Variants in PRKAR2B observed in about 807,000 individuals in gnomAD.
PRKAR2B encodes the protein protein kinase cAMP-dependent type II regulatory subunit beta.
PRKAR2B carries 14 observed loss-of-function variants against 49.9 expected under a neutral mutation model. The ratio of observed to expected loss-of-function variants is 0.28; its 90% CI spans 0.19 to 0.44. The LOEUF is 0.44. Among genes scored for constraint, PRKAR2B ranks in the 20% least tolerant of loss-of-function variants. PRKAR2B has a pLI of 1.00. For missense variants in PRKAR2B, 393 were observed against 537.9 expected (o/e 0.73, Z 2.67); for synonymous variants, 196 against 197.7 (o/e 0.99, Z 0.07).
chr7:107,140,992 C>T lies in PRKAR2B; in HGVS notation c.587+39C>T, dbSNP rs201558773. ...AACCTTACTATTGAAATTGAAAGAA[C>T]CTTTTGTGTAAAATCTCAACCATTA... On this transcript the variant is annotated intron_variant, in intron 5 of 10. Transcript: ENST00000265717. 9 of 1,452,980 alleles carry T rather than the reference C, an allele frequency of 6.2e-6. No homozygotes were observed. The South Asian group carries it at 8.2e-5, about 13-fold the overall frequency. 90.0% of individuals were successfully genotyped at this position (1,452,980 alleles called of 1,614,324 possible).
chr7:107,157,103 A>G (rs1357555447), intron 9 of PRKAR2B, 54 bp downstream of exon 9: 49 of 1,607,284 alleles, frequency 3.0e-5, no homozygotes, highest in Non-Finnish European at 4.1e-5. Context: ...AACACAACAG[A>G]TCTACTTTTT....
Position 107,159,858 on chromosome 7 carries a change from A to G in PRKAR2B, c.*276A>G. On this transcript the variant is annotated 3_prime_UTR_variant, in exon 11 of 11. Coordinates refer to ENST00000265717, the MANE Select transcript of PRKAR2B (RefSeq NM_002736.3). Reference sequence around the variant, plus strand: ...AAAGGTTTATTAAAATGATTGTAATATATAGAAAGTATCTGTGTTTAAGAA... The same window carrying G: ...AAAGGTTTATTAAAATGATTGTAATGTATAGAAAGTATCTGTGTTTAAGAA... 1 of 315,126 alleles carries G rather than the reference A, an allele frequency of 3.2e-6. No individual in the cohort carries two copies. The allele number at this position is 315,126 out of a possible 1,614,324, so 19.5% of individuals were successfully genotyped here.
At chr7:107,091,758 C>T (rs974333778) in intron 2 of PRKAR2B, 5 of 152,210 alleles carry the variant, frequency 3.3e-5, no homozygotes, top group African/African-American at 4.8e-5. Context: ...ATGTGACAGT[C>T]TCCAGCAGTG....
chr7:107,109,226 G>T (rs1412217543), intron 2 of PRKAR2B, among the ~76,000 whole-genome samples: 2 of 151,966 alleles, frequency 1.3e-5, no homozygotes, highest in Non-Finnish European at 2.9e-5. Flanking sequence ...GTTTGGGCTG[G>T]TCTCTTTACT....
At chr7:107,071,649 TGAAATTCTTTC>T (rs1275865764) in intron 2 of PRKAR2B, among the ~76,000 whole-genome samples, 1 of 152,166 alleles carries the variant, frequency 6.6e-6, no homozygotes, top group African/African-American at 2.4e-5. Context: ...CTTCATGAGG[TGAAATTCTTTC>T]AATAGAAACA....
chr7:107,087,872 C>T (rs1003666688), intron 2 of PRKAR2B, among the ~76,000 whole-genome samples: 2 of 151,340 alleles, frequency 1.3e-5, no homozygotes, highest in African/African-American at 4.8e-5. Context: ...CCCTAACATC[C>T]CACATATGAT....
chr7:107,117,924 T>G (rs1795311570), intron 2 of PRKAR2B, among the ~76,000 whole-genome samples: 2 of 152,208 alleles, frequency 1.3e-5, no homozygotes, highest in Non-Finnish European at 2.9e-5. Context: ...CAGTGTAGTA[T>G]ATACATATAT....
At chr7:107,149,434 C>T (rs1489250917) in intron 6 of PRKAR2B, among the ~76,000 whole-genome samples, 1 of 152,000 alleles carries the variant, frequency 6.6e-6, no homozygotes, top group East Asian at 1.9e-4. Flanking sequence ...ATCAAGGCAC[C>T]AGAAGATTCG....
intron 2 of PRKAR2B, among the ~76,000 whole-genome samples, chr7:107,083,376 T>G (rs183797873): frequency 3.1e-4 from 47 of 151,838 alleles, no homozygotes; most frequent in African/African-American, 1.1e-3. Flanking sequence ...CAAAAATAGA[T>G]GATGGTGATG....
intron 1 of PRKAR2B, among the ~76,000 whole-genome samples, chr7:107,045,543 G>C (rs144820228): frequency 6.6e-6 from 1 of 152,328 alleles, no homozygotes; most frequent in Non-Finnish European, 1.5e-5. Flanking sequence ...GCTGTGGTTG[G>C]AGGTATTTCG....
At chr7:107,054,591 A>G (rs1263492097) in intron 1 of PRKAR2B, among the ~76,000 whole-genome samples, 1 of 152,122 alleles carries the variant, frequency 6.6e-6, no homozygotes. Context: ...TAGGATGAAT[A>G]TGGCCTCCAT....
At chr7:107,105,134 G>C (rs987614179) in intron 2 of PRKAR2B, among the ~76,000 whole-genome samples, 1 of 152,096 alleles carries the variant, frequency 6.6e-6, no homozygotes, top group Non-Finnish European at 1.5e-5. Context: ...AACCAACATT[G>C]AGTTTTAAAC....
At chr7:107,059,287 AT>A (rs11409999) in intron 1 of PRKAR2B, among the ~76,000 whole-genome samples, 29 of 150,854 alleles carry the variant, frequency 1.9e-4, no homozygotes, top group Admixed American at 1.8e-3. Context: ...AAAAAAAGTT[AT>A]TTTTTTTTCT....
intron 4 of PRKAR2B, 23 bp from the exon 5 acceptor site, chr7:107,140,823 AT>A: frequency 6.6e-7 from 1 of 1,521,312 alleles, no homozygotes; most frequent in Non-Finnish European, 9.1e-7. Context: ...CATAAAGATT[AT>A]ATCCCATCTT....
chr7:107,047,270 A>G (rs961964825), intron 1 of PRKAR2B, among the ~76,000 whole-genome samples: 4 of 152,178 alleles, frequency 2.6e-5, no homozygotes, highest in Admixed American at 2.0e-4. Flanking sequence ...GCTTTTTGAT[A>G]TTTCCTATTT....
At chr7:107,047,440 GT>G (rs1233852200) in intron 1 of PRKAR2B, among the ~76,000 whole-genome samples, 23 of 144,352 alleles carry the variant, frequency 1.6e-4, no homozygotes, top group African/African-American at 4.3e-4. Context: ...TTCTTCTTCA[GT>G]TTTTTTTTTT....
At chr7:107,153,602 A>G (rs948238993) in intron 8 of PRKAR2B, among the ~76,000 whole-genome samples, 3 of 152,236 alleles carry the variant, frequency 2.0e-5, no homozygotes, top group Non-Finnish European at 4.4e-5. Context: ...TGATCAGTTC[A>G]TGATGAAAAT....
At chr7:107,046,282 G>T (rs1283688173) in intron 1 of PRKAR2B, among the ~76,000 whole-genome samples, 2 of 152,202 alleles carry the variant, frequency 1.3e-5, no homozygotes, top group Non-Finnish European at 1.5e-5. Flanking sequence ...AGGCAAACAT[G>T]CATGCAGCAT....
chr7:107,052,097 A>T (rs1793817120), intron 1 of PRKAR2B, among the ~76,000 whole-genome samples: 1 of 152,196 alleles, frequency 6.6e-6, no homozygotes, highest in Non-Finnish European at 1.5e-5. Flanking sequence ...CGTTCTCATT[A>T]TTATAGAAAA....
Sources: gnomAD v4.1 joint callset for allele counts (sites outside exome capture counted in the v4.1 genomes callset) on GRCh38, gnomAD v4.1.1 for gene constraint, MANE v1.5 for transcripts, NCBI Gene and HGNC (gene_info 2026-07-23, HGNC 2026-07-21) for gene names.